The following SYTL2 variants were observed in gnomAD, a reference collection of about 807,000 sequenced individuals.
The protein encoded by SYTL2 is synaptotagmin like 2.
Under a neutral mutation model 198.7 loss-of-function variants are expected in SYTL2, and 165 were observed. The ratio of observed to expected loss-of-function variants is 0.83; its 90% CI spans 0.73 to 0.94. SYTL2 has a LOEUF of 0.94. SYTL2 is among the 40% of genes least tolerant of loss of function. SYTL2 has a pLI of 0.00. For synonymous variants in SYTL2, 966 were observed against 917.7 expected, an observed-to-expected ratio of 1.05 and a Z score of -0.95; for missense variants, 2,835 against 2,582.8, an observed-to-expected ratio of 1.10 and a Z score of -2.12.
intron 1 of SYTL2, among the ~76,000 whole-genome samples, chr11:85,783,713 T>C (rs2092596983): frequency 6.6e-6 from 1 of 152,208 alleles, no homozygotes; most frequent in African/African-American, 2.4e-5. Context: ...TAACTGCTCA[T>C]TACTCAGTTA....
chr11:85,838,270 G>T, the SYTL2 span, among the ~76,000 whole-genome samples: 21 of 152,262 alleles, frequency 1.4e-4, no homozygotes, highest in African/African-American at 1.9e-4. Context: ...AAAAATTCTT[G>T]TGATACCAGC....
chr11:85,774,575 T>C (rs1308440022), intron 1 of SYTL2, among the ~76,000 whole-genome samples: 1 of 150,346 alleles, frequency 6.7e-6, no homozygotes, highest in Non-Finnish European at 1.5e-5. Flanking sequence ...AGAATGTTGT[T>C]AAACTTGATG....
intron 1 of SYTL2, among the ~76,000 whole-genome samples, chr11:85,788,472 A>C (rs187824787): frequency 3.3e-5 from 5 of 152,326 alleles, no homozygotes; most frequent in African/African-American, 1.2e-4. Flanking sequence ...CCAATTGCTT[A>C]TAAATATGTT....
chr11:85,807,064 C>T (rs2092968420), intron 1 of SYTL2, among the ~76,000 whole-genome samples: 1 of 152,258 alleles, frequency 6.6e-6, no homozygotes, highest in African/African-American at 2.4e-5. Flanking sequence ...TTTCCAGTGG[C>T]TCTCATTGCT....
chr11:85,731,206 T>C (rs532764245), intron 7 of SYTL2, among the ~76,000 whole-genome samples: 20 of 152,274 alleles, frequency 1.3e-4, no homozygotes, highest in African/African-American at 4.6e-4. Context: ...GAGCTACCAT[T>C]GACTCTCATC....
At chr11:85,811,269 G>C (rs2093029631), upstream of SYTL2, 10 of 150,764 alleles carry the variant, frequency 6.6e-5, no homozygotes, top group Admixed American at 6.6e-4. Context: ...GCCCGCCCCG[G>C]CCTCCTCGCC....
chr11:85,709,369 G>A lies in SYTL2; in HGVS notation c.5877C>T (p.Asp1959=). 6.2e-7 allele frequency: 1 copy of A among 1,614,104 alleles called. No homozygotes were observed. Among genetic ancestry groups the A allele is most frequent in the Non-Finnish European group, 8.5e-7 (1 of 1,180,020 alleles). Residue 1959 remains aspartate, a synonymous_variant, in exon 14 of 20, where the codon GAC becomes GAT. Coordinates refer to ENST00000359152, the MANE Select transcript of SYTL2 (RefSeq NM_206927.4). Reference sequence around the variant, plus strand: ...GTTTTTTTACATCCGCTGCTGCTAAGTCCTTACACTGGGCCACAAAAACAT... The same window carrying A: ...GTTTTTTTACATCCGCTGCTGCTAAATCCTTACACTGGGCCACAAAAACAT... ...ELHVFVAQCK[D]LAAADVKKQR...
At chr11:85,762,102 T>G (rs1449462133) in intron 1 of SYTL2, among the ~76,000 whole-genome samples, 2 of 152,218 alleles carry the variant, frequency 1.3e-5, no homozygotes, top group Non-Finnish European at 2.9e-5. Flanking sequence ...CATTTAATTC[T>G]TCTCTTCACA....
chr11:85,719,344 A>C, intron 9 of SYTL2: 1 of 1,146,750 alleles, frequency 8.7e-7, no homozygotes, highest in Non-Finnish European at 1.1e-6. Flanking sequence ...CTAGTGTGAG[A>C]GTGGGTATCA....
At chr11:85,719,437 G>C (rs2087918200) in intron 9 of SYTL2, 1 of 510,076 alleles carries the variant, frequency 2.0e-6, no homozygotes. Context: ...GTACTTTAAA[G>C]CTGCACCATG....
chr11:85,719,142 G>A (rs189859206), intron 9 of SYTL2: 166 of 1,417,046 alleles, frequency 1.2e-4, no homozygotes, highest in African/African-American at 1.0e-3. Context: ...AAAGCACGGG[G>A]CTGCAACAGC....
At chr11:85,849,700 T>G in the SYTL2 span, among the ~76,000 whole-genome samples, 1 of 150,184 alleles carries the variant, frequency 6.7e-6, no homozygotes, top group African/African-American at 2.5e-5. Context: ...CCTTGTAGTA[T>G]AGTTTGAAGT....
chr11:85,724,619 G>A lies in SYTL2; in HGVS notation c.4739C>T (p.Pro1580Leu). The change falls in exon 8 of 20, where the codon CCT becomes CTT. Residue 1580 changes from proline to leucine, a missense_variant. Transcript: ENST00000359152. ...KLLKEITEAP[P>L]YQPQVSVREE... ...TCTCACTGACACCTGGGGCTGATAAGGAGGAGCTTCAGTTATTTCTTTAAG... is the reference window on the plus strand; with the variant it reads ...TCTCACTGACACCTGGGGCTGATAAAGAGGAGCTTCAGTTATTTCTTTAAG... 1 of 1,613,300 alleles carries A rather than the reference G, an allele frequency of 6.2e-7. No homozygotes were observed. The highest frequency in any genetic ancestry group is 1.1e-5 in the South Asian group (1 of 90,944).
chr11:85,737,631 T>C lies in SYTL2; in HGVS notation c.415A>G (p.Ser139Gly). ...PSSSVVNPAS[S>G]VIDMSQENTR... is the part of the protein sequence containing the mutation. ...TTTTCCTGGGACATATCAATCACAC[T>C]GGAAGCTGGATTTACCACACTGGAA... Residue 139 changes from serine (S) to glycine (G), a missense_variant, in exon 5 of 20, where the codon AGT (serine) becomes GGT (glycine). This residue lies in a region of SYTL2 where 2,645 missense variants were observed against 2,381.7 expected (regional missense o/e 1.11). Transcript: ENST00000359152. 1 of 1,613,880 alleles carries C rather than the reference T, an allele frequency of 6.2e-7. No individual in the cohort carries two copies. The highest frequency in any genetic ancestry group is 8.5e-7 in the Non-Finnish European group (1 of 1,179,770).
At chr11:85,703,850 A>G (rs2084712018) in intron 16 of SYTL2, among the ~76,000 whole-genome samples, 1 of 152,186 alleles carries the variant, frequency 6.6e-6, no homozygotes, top group Non-Finnish European at 1.5e-5. Flanking sequence ...CACTGTTCTG[A>G]AAGTGGCAAA....
At position 85,724,517 on chromosome 11, in the gene SYTL2, G is replaced by A. The variant is rs1365659304; in HGVS notation, c.4841C>T (p.Ala1614Val). Residue 1614 changes from alanine to valine, a missense_variant, in exon 8 of 20, where the codon GCA (alanine) becomes GTA (valine). Transcript: ENST00000359152. Reference protein sequence around the residue: ...FLGTVPHFYRAASQTSEMKDK... With the variant: ...FLGTVPHFYRVASQTSEMKDK... ...CTTCATTTCAGAGGTCTGTGAGGCTGCCCTGTAAAAATGGGGCACTGTCCC... is the reference window on the plus strand; with the variant it reads ...CTTCATTTCAGAGGTCTGTGAGGCTACCCTGTAAAAATGGGGCACTGTCCC... The A allele has an allele frequency of 9.9e-6, 16 of 1,613,862 alleles. No homozygotes were observed. The highest frequency in any genetic ancestry group is 1.7e-5 in the Admixed American group (1 of 60,028).
chr11:85,734,828 A>G (rs2090178481), intron 6 of SYTL2, 86 bp from the exon 7 acceptor site: 4 of 962,856 alleles, frequency 4.2e-6, no homozygotes, highest in Non-Finnish European at 6.1e-6. Flanking sequence ...ACCTACACTT[A>G]GTGAAACTAT....
chr11:85,700,160 A>AG (rs1053096258), intron 17 of SYTL2, among the ~76,000 whole-genome samples: 1 of 152,218 alleles, frequency 6.6e-6, no homozygotes, highest in African/African-American at 2.4e-5. Context: ...GATTACCAGA[A>AG]GCTGGTAGTA....
At chr11:85,798,012 C>T (rs1259971527) in intron 1 of SYTL2, among the ~76,000 whole-genome samples, 2 of 133,530 alleles carry the variant, frequency 1.5e-5, no homozygotes, top group East Asian at 2.1e-4. Context: ...CACCACTATG[C>T]CAGCTATTTT....
Sources: allele counts gnomAD v4.1 joint callset (sites outside exome capture counted in the v4.1 genomes callset), GRCh38; gene constraint gnomAD v4.1.1; regional missense constraint gnomAD v4.1.1; transcripts MANE v1.5; gene names NCBI Gene and HGNC (gene_info 2026-07-23, HGNC 2026-07-21).